Variants in SLC2A14 observed in about 807,000 individuals in gnomAD.
SLC2A14 encodes the protein solute carrier family 2, facilitated glucose transporter member 14.
A neutral mutation model predicts 43.0 loss-of-function variants in SLC2A14; 13 were observed. The ratio of observed to expected loss-of-function variants is 0.30; its 90% CI spans 0.20 to 0.48. The LOEUF (loss-of-function observed/expected upper bound fraction) is 0.48, where lower values mean the gene tolerates loss of function less well. SLC2A14 is among the 20% of genes least tolerant of loss of function. The pLI, the probability that SLC2A14 is intolerant of heterozygous loss-of-function variation, is 0.99. For synonymous variants in SLC2A14, 190 were observed against 233.8 expected, an observed-to-expected ratio of 0.81 and a Z score of 1.71; for missense variants, 428 against 620.4, an observed-to-expected ratio of 0.69 and a Z score of 3.29.
chr12:7,839,845 G>A (rs551608411), intron 2 of SLC2A14: 201 of 447,698 alleles, frequency 4.5e-4, no homozygotes, highest in Non-Finnish European at 6.9e-4. Context: ...AGGTCAAGGC[G>A]GGAGGATCGC....
intron 1 of SLC2A14, among the ~76,000 whole-genome samples, chr12:7,886,632 T>G (rs1945693380): frequency 1.3e-5 from 2 of 152,076 alleles, no homozygotes; most frequent in Non-Finnish European, 2.9e-5. Context: ...GTTATGGTGT[T>G]CATCTTTCCA....
intron 2 of SLC2A14, among the ~76,000 whole-genome samples, chr12:7,858,786 A>T (rs1403610714): frequency 6.6e-6 from 1 of 152,102 alleles, no homozygotes; most frequent in African/African-American, 2.4e-5. Flanking sequence ...GGCGTGAACC[A>T]CCCTGCCCAG....
At chr12:7,842,325 G>T (rs1164694663) in intron 2 of SLC2A14, among the ~76,000 whole-genome samples, 1 of 152,128 alleles carries the variant, frequency 6.6e-6, no homozygotes, top group Non-Finnish European at 1.5e-5. Context: ...GAATAAAACT[G>T]CTCTAAACAT....
chr12:7,882,059 T>C (rs1945586579), intron 1 of SLC2A14, among the ~76,000 whole-genome samples: 1 of 152,086 alleles, frequency 6.6e-6, no homozygotes, highest in Non-Finnish European at 1.5e-5. Context: ...CCAGCAGTGG[T>C]AACATGTTGG....
chr12:7,817,774 A>AGATAGATAGATAGATAGATG (rs1863596087), intron 10 of SLC2A14, 57 bp downstream of exon 10: 1 of 1,577,742 alleles, frequency 6.3e-7, no homozygotes, highest in Admixed American at 1.7e-5. Flanking sequence ...ATAGATAGAT[A>AGATAGATAGATAGATAGATG]GATAGACAGA....
At chr12:7,882,436 G>T (rs12578514) in intron 1 of SLC2A14, among the ~76,000 whole-genome samples, 3 of 152,100 alleles carry the variant, frequency 2.0e-5, no homozygotes, top group Non-Finnish European at 2.9e-5. Context: ...CTTCATTCTT[G>T]AAGTCAGTGA....
In SLC2A14 at chr12:7,831,698, G is replaced by C. The variant is rs1443339412; in HGVS notation, c.178C>G (p.Leu60Val). Reference protein sequence around the residue: ...KANAPPSEVLLTNLWSLSVAI... With the variant: ...KANAPPSEVLVTNLWSLSVAI... ...ACAGACAAGGACCAGAGATTCGTGA[G>C]CAGCACCTCAGAGGGAGGGGCATTT... Residue 60 changes from leucine to valine, a missense_variant, in exon 4 of 11, where the codon CTC becomes GTC. By Grantham distance (32) the Leu-to-Val change is conservative. This residue lies in a region of SLC2A14 where 122 missense variants were observed against 128.8 expected (regional missense o/e 0.95). Transcript: ENST00000431042. 1 of 1,614,110 alleles carries C rather than the reference G, an allele frequency of 6.2e-7. No individual in the cohort carries two copies. The highest frequency in any genetic ancestry group is 8.5e-7 in the Non-Finnish European group (1 of 1,180,056).
At chr12:7,845,530 A>T (rs1866393358) in intron 2 of SLC2A14, among the ~76,000 whole-genome samples, 1 of 151,930 alleles carries the variant, frequency 6.6e-6, no homozygotes, top group African/African-American at 2.4e-5. Context: ...CTGTAATCCC[A>T]GTACTTTGGG....
intron 1 of SLC2A14, among the ~76,000 whole-genome samples, chr12:7,889,003 C>T (rs1945734219): frequency 2.6e-5 from 4 of 151,794 alleles, no homozygotes; most frequent in Admixed American, 2.0e-4. Context: ...AGGTATCAGG[C>T]CTTGGGCTAG....
chr12:7,854,491 T>C (rs957861089), intron 2 of SLC2A14, among the ~76,000 whole-genome samples: 4 of 152,312 alleles, frequency 2.6e-5, no homozygotes, highest in African/African-American at 9.6e-5. Flanking sequence ...GTTTTTTGTT[T>C]GTTTGTTTGC....
chr12:7,871,254 C>A, intron 1 of SLC2A14: 1 of 1,205,896 alleles, frequency 8.3e-7, no homozygotes, highest in Non-Finnish European at 1.1e-6. Flanking sequence ...TGGGTGACAG[C>A]TTCACAGATG....
intron 10 of SLC2A14, among the ~76,000 whole-genome samples, chr12:7,815,581 TTTTG>T (rs1189222861): frequency 2.0e-5 from 3 of 152,188 alleles, no homozygotes; most frequent in African/African-American, 7.2e-5. Flanking sequence ...TTTTGTTTTG[TTTTG>T]TTTTTTTTGA....
At chr12:7,853,623 A>T (rs1867118252) in intron 2 of SLC2A14, among the ~76,000 whole-genome samples, 2 of 151,942 alleles carry the variant, frequency 1.3e-5, no homozygotes, top group Admixed American at 1.3e-4. Flanking sequence ...GAAAGAAAAC[A>T]GATGAATTAT....
At chr12:7,835,255 C>T (rs191667894) in intron 2 of SLC2A14, among the ~76,000 whole-genome samples, 82 of 152,272 alleles carry the variant, frequency 5.4e-4, no homozygotes, top group Non-Finnish European at 2.8e-4. Flanking sequence ...GCCGTGATGG[C>T]GTGCGCCTGT....
At chr12:7,836,917 C>A (rs1222871761) in intron 2 of SLC2A14, among the ~76,000 whole-genome samples, 1 of 151,836 alleles carries the variant, frequency 6.6e-6, no homozygotes, top group African/African-American at 2.4e-5. Flanking sequence ...GCCTATAATC[C>A]CAGCATTTTA....
chr12:7,874,937 T>TTTTATATAAATATATTTATATATAAA (rs1945418703), upstream of SLC2A14, among the ~76,000 whole-genome samples: 3 of 65,670 alleles, frequency 4.6e-5, no homozygotes, highest in African/African-American at 2.2e-4. Context: ...TTATATATAA[T>TTTTATATAAATATATTTATATATAAA]TTATATATAA....
In SLC2A14 at chr12:7,832,749, G is replaced by A. The variant is rs747438535; in HGVS notation, c.84C>T (p.Asn28=). 1.6e-5 allele frequency: 26 copies of A among 1,614,042 alleles called. No individual in the cohort carries two copies. Among genetic ancestry groups the A allele is most frequent in the Admixed American group, 3.3e-5 (2 of 59,990 alleles). ...ATIGSFQFGY[N]TGVINAPETI... ...TCTCAGGAGCATTGATGACCCCAGT[G>A]TTGTAGCCAAACTGGAAAGAGCCGA... Residue 28 remains asparagine, a synonymous_variant, in exon 3 of 11, where the codon AAC becomes AAT. Coordinates refer to ENST00000431042, the MANE Select transcript of SLC2A14 (RefSeq NM_001286234.2).
At chr12:7,833,654 G>C (rs1415104015) in intron 2 of SLC2A14, among the ~76,000 whole-genome samples, 1 of 151,990 alleles carries the variant, frequency 6.6e-6, no homozygotes, top group Non-Finnish European at 1.5e-5. Flanking sequence ...GGTGGGGTGT[G>C]CCTGTAATCC....
At chr12:7,875,205 TTATATTTA>T (rs746290218), upstream of SLC2A14, among the ~76,000 whole-genome samples, 418 of 62,604 alleles carry the variant, frequency 6.7e-3, 3 homozygotes, top group South Asian at 0.05. Context: ...TAAAATATAT[TTATATTTA>T]TATATTTATA....
Sources: gnomAD v4.1 joint callset for allele counts (sites outside exome capture counted in the v4.1 genomes callset) on GRCh38, gnomAD v4.1.1 for gene constraint, gnomAD v4.1.1 regional missense constraint, MANE v1.5 for transcripts, NCBI Gene and HGNC (gene_info 2026-07-23, HGNC 2026-07-21) for gene names.